EPM2A: variants seen among roughly 807,000 people sequenced by gnomAD.
EPM2A encodes laforin.
In EPM2A, 21 loss-of-function variants were observed where a neutral mutation model predicts 26.5. The ratio of observed to expected loss-of-function variants is 0.79; its 90% CI spans 0.56 to 1.14. EPM2A has a LOEUF of 1.14. Ranked by LOEUF, EPM2A falls within the 50% of genes most tolerant of loss-of-function variation. The probability of loss-of-function intolerance (pLI) is 0.00; values close to 1 mark genes in which losing one functional copy is unlikely to be tolerated. For missense variants in EPM2A, 458 were observed against 440.8 expected (o/e 1.04, Z -0.35); for synonymous variants, 217 against 177.6 (o/e 1.22, Z -1.76).
chr6:145,409,480 A>T (rs772972084), intron 4 of EPM2A, among the ~76,000 whole-genome samples: 9 of 152,180 alleles, frequency 5.9e-5, no homozygotes, highest in Non-Finnish European at 8.8e-5. Context: ...TATGATGTTT[A>T]ATAATATATA....
rs1310207444 is a variant in EPM2A, at chr6:145,735,456, C to T, written c.43G>A (p.Gly15Ser). The T allele has an allele frequency of 1.6e-6, 2 of 1,233,380 alleles. No homozygotes were observed. Among genetic ancestry groups the T allele is most frequent in the South Asian group, 3.0e-5 (1 of 33,318 alleles). The allele number at this position is 1,233,380 out of a possible 1,614,324, so 76.4% of individuals were successfully genotyped here. The part of the protein sequence containing the change: ...FGVVVPPAVA[G>S]ARPELLVVGS... ...ACCACCAGCAGCTCCGGCCGGGCGCCGGCCACGGCGGGTGGCACCACCACC... is the reference window on the plus strand; with the variant it reads ...ACCACCAGCAGCTCCGGCCGGGCGCTGGCCACGGCGGGTGGCACCACCACC... Residue 15 changes from glycine to serine, a missense_variant, in exon 1 of 4, where the codon GGC (glycine) becomes AGC (serine). By Grantham distance (56) the Gly-to-Ser change is moderately conservative. Coordinates refer to ENST00000367519, the MANE Select transcript of EPM2A (RefSeq NM_005670.4).
intron 4 of EPM2A, among the ~76,000 whole-genome samples, chr6:145,446,192 C>T (rs888685630): frequency 2.0e-5 from 3 of 152,058 alleles, no homozygotes; most frequent in Non-Finnish European, 4.4e-5. Flanking sequence ...TATAAAAGAC[C>T]CTAAGTGAAA....
At chr6:145,446,309 C>T (rs1435212573) in intron 4 of EPM2A, among the ~76,000 whole-genome samples, 2 of 152,202 alleles carry the variant, frequency 1.3e-5, no homozygotes, top group East Asian at 1.9e-4. Flanking sequence ...AACTGAAACA[C>T]TATGATATCA....
intron 2 of EPM2A, among the ~76,000 whole-genome samples, chr6:145,540,177 C>A (rs1780487546): frequency 6.6e-6 from 1 of 152,192 alleles, no homozygotes; most frequent in African/African-American, 2.4e-5. Flanking sequence ...AACAAACTAT[C>A]TTTTCAATGA....
intron 4 of EPM2A, among the ~76,000 whole-genome samples, chr6:145,411,843 C>T (rs62437928): frequency 6.6e-6 from 1 of 152,206 alleles, no homozygotes; most frequent in South Asian, 2.1e-4. Flanking sequence ...AGCCTCTCGG[C>T]CCTTTTTACA....
At chr6:145,390,512 CA>C (rs1778323261) in intron 4 of EPM2A, among the ~76,000 whole-genome samples, 1 of 151,562 alleles carries the variant, frequency 6.6e-6, no homozygotes, top group Non-Finnish European at 1.5e-5. Flanking sequence ...CTTGGGTAAA[CA>C]AAAGGTTCAT....
intron 2 of EPM2A, among the ~76,000 whole-genome samples, chr6:145,583,969 C>T: frequency 6.6e-6 from 1 of 152,160 alleles, no homozygotes; most frequent in East Asian, 1.9e-4. Context: ...TGTGCATGCA[C>T]TTGTGCCAGC....
intron 4 of EPM2A, among the ~76,000 whole-genome samples, chr6:145,396,341 T>G (rs1416790396): frequency 6.6e-6 from 1 of 152,144 alleles, no homozygotes; most frequent in East Asian, 1.9e-4. Flanking sequence ...ACTCTCACTA[T>G]TTCTAAAAAC....
At chr6:145,453,597 G>A (rs1779225614) in intron 4 of EPM2A, among the ~76,000 whole-genome samples, 1 of 152,182 alleles carries the variant, frequency 6.6e-6, no homozygotes, top group Non-Finnish European at 1.5e-5. Context: ...TTAGATTAAG[G>A]AGAGTAGAAT....
intron 4 of EPM2A, among the ~76,000 whole-genome samples, chr6:145,391,081 G>C (rs988265116): frequency 6.6e-6 from 1 of 152,146 alleles, no homozygotes; most frequent in African/African-American, 2.4e-5. Context: ...GGACTGAACA[G>C]ATCCTCTTTC....
chr6:145,514,499 A>G (rs1486720417), intron 2 of EPM2A, among the ~76,000 whole-genome samples: 4 of 152,216 alleles, frequency 2.6e-5, no homozygotes, highest in Admixed American at 2.6e-4. Context: ...ACATTTACTA[A>G]AAACTGTGGA....
chr6:145,661,514 A>AT (rs1435149399), intron 2 of EPM2A, among the ~76,000 whole-genome samples: 3 of 152,200 alleles, frequency 2.0e-5, no homozygotes, highest in African/African-American at 7.2e-5. Flanking sequence ...ACACCATCTA[A>AT]TTTCACTTTA....
chr6:145,621,940 T>C (rs1256016217), downstream of EPM2A, among the ~76,000 whole-genome samples: 2 of 152,218 alleles, frequency 1.3e-5, no homozygotes, highest in East Asian at 3.8e-4. Flanking sequence ...AACCTTTTAG[T>C]TTGATGCACT....
rs1276332333 is a variant in EPM2A, at chr6:145,489,650, C to T, written c.555+12872G>A. ...TAATTTCATTCTAAAACCAGCATAG[C>T]TGTTCTGTCCTCATTCTCTGCCTTT... is the stretch of plus-strand genomic sequence containing the variant. On this transcript the variant is annotated intron_variant, in intron 4 of 4. Transcript: ENST00000638717. The T allele has an allele frequency of 3.8e-6, 5 of 1,302,378 alleles. No homozygotes were observed. In the African/African-American group the frequency reaches 7.4e-5, roughly 19 times the overall value. 80.7% of individuals were successfully genotyped at this position (1,302,378 alleles called of 1,614,324 possible). A position where few individuals can be genotyped will look rare whatever the true frequency, so the allele number is the denominator to read the frequency against.
At chr6:145,613,692 G>C (rs1775443497) in intron 2 of EPM2A, among the ~76,000 whole-genome samples, 1 of 152,140 alleles carries the variant, frequency 6.6e-6, no homozygotes. Context: ...CAGGTATCTT[G>C]TCAATAAGCA....
intron 4 of EPM2A, among the ~76,000 whole-genome samples, chr6:145,479,657 T>G (rs1297258836): frequency 2.0e-5 from 3 of 152,084 alleles, no homozygotes; most frequent in African/African-American, 4.8e-5. Context: ...TTTTCATAAG[T>G]TGATATACAC....
chr6:145,535,235 T>C (rs1008558640), intron 2 of EPM2A, among the ~76,000 whole-genome samples: 1 of 152,164 alleles, frequency 6.6e-6, no homozygotes, highest in Non-Finnish European at 1.5e-5. Flanking sequence ...TGTGTAACCA[T>C]CGCTTTAAAA....
chr6:145,455,384 G>A (rs1284850972), intron 4 of EPM2A, among the ~76,000 whole-genome samples: 1 of 151,994 alleles, frequency 6.6e-6, no homozygotes, highest in Non-Finnish European at 1.5e-5. Flanking sequence ...TTGAGACCGA[G>A]TCTCACTCTG....
At chr6:145,540,259 G>A (rs1316907864) in intron 2 of EPM2A, among the ~76,000 whole-genome samples, 1 of 152,084 alleles carries the variant, frequency 6.6e-6, no homozygotes. Flanking sequence ...TTAAAACACT[G>A]GTGGAAAAAA....
Sources: allele counts gnomAD v4.1 joint callset (sites outside exome capture counted in the v4.1 genomes callset), GRCh38; gene constraint gnomAD v4.1.1; transcripts MANE v1.5; gene names NCBI Gene and HGNC (gene_info 2026-07-23, HGNC 2026-07-21).